Variants in CSRNP3 observed in about 807,000 individuals in gnomAD.
CSRNP3 encodes cysteine/serine-rich nuclear protein 3.
In CSRNP3, 12 loss-of-function variants were observed where a neutral mutation model predicts 48.0. The observed-to-expected ratio is 0.25, with a 90% confidence interval of 0.16 to 0.41. The LOEUF (loss-of-function observed/expected upper bound fraction) is 0.41. Ranked by LOEUF, CSRNP3 falls within the 10% of genes least tolerant of loss-of-function variation. The pLI is 1.00. For synonymous variants in CSRNP3, 263 were observed against 269.7 expected (o/e 0.98, Z 0.24); for missense variants, 580 against 724.4 (o/e 0.80, Z 2.29).
chr2:165,503,239 G>T (rs895217148), intron 2 of CSRNP3, among the ~76,000 whole-genome samples: 2 of 151,732 alleles, frequency 1.3e-5, no homozygotes, highest in African/African-American at 4.8e-5. Context: ...TAAATCTTTA[G>T]TCCATTTGAA....
intron 3 of CSRNP3, among the ~76,000 whole-genome samples, chr2:165,519,331 C>T (rs755568700): frequency 6.6e-6 from 1 of 151,782 alleles, no homozygotes; most frequent in African/African-American, 2.4e-5. Flanking sequence ...AGAATTAAAT[C>T]GTCTCCCCAA....
At chr2:165,585,269 T>A (rs1327207574) in intron 3 of CSRNP3, among the ~76,000 whole-genome samples, 1 of 151,814 alleles carries the variant, frequency 6.6e-6, no homozygotes, top group Non-Finnish European at 1.5e-5. Context: ...AAAACCTATA[T>A]ACCATCAATT....
intron 5 of CSRNP3, among the ~76,000 whole-genome samples, chr2:165,676,049 CCAA>C (rs146683115): frequency 6.6e-6 from 1 of 152,274 alleles, no homozygotes; most frequent in Non-Finnish European, 1.5e-5. Context: ...TCTAAAAGCT[CCAA>C]CAACTGTAGC....
intron 3 of CSRNP3, among the ~76,000 whole-genome samples, chr2:165,522,549 C>T (rs1190369437): frequency 6.6e-6 from 1 of 151,672 alleles, no homozygotes; most frequent in Non-Finnish European, 1.5e-5. Context: ...GAGTTTATTA[C>T]ATATGTAACC....
rs1157049009 is a variant in CSRNP3 at position 165,687,715 on chromosome 2, T to G, written c.*7962T>G. 1.3e-5 allele frequency: 2 copies of G among 152,062 alleles called. No individual in the cohort carries two copies. The highest frequency in any genetic ancestry group is 3.9e-4 in the East Asian group (2 of 5,184). The allele number at this position is 152,062 out of a possible 1,614,324, so 9.4% of individuals were successfully genotyped here. On this transcript the variant is annotated 3_prime_UTR_variant, in exon 7 of 7. Transcript: ENST00000651982. ...TTTCTCAGGGGTCAGGAAAATGATT[T>G]AAAAATTTGTCTTCTTGACAAGGCC...
chr2:165,515,090 C>T (rs186629452), intron 2 of CSRNP3, among the ~76,000 whole-genome samples: 8 of 151,904 alleles, frequency 5.3e-5, no homozygotes, highest in South Asian at 4.1e-4. Context: ...GAGGCTGAGA[C>T]GGGCGGATCA....
chr2:165,651,652 G>T, intron 4 of CSRNP3, among the ~76,000 whole-genome samples: 1 of 143,618 alleles, frequency 7.0e-6, no homozygotes, highest in Non-Finnish European at 1.5e-5. Flanking sequence ...CATTCATTTT[G>T]AAAGCTTTTT....
intron 2 of CSRNP3, among the ~76,000 whole-genome samples, chr2:165,502,869 G>A (rs965896459): frequency 6.6e-6 from 1 of 151,712 alleles, no homozygotes; most frequent in Non-Finnish European, 1.5e-5. Flanking sequence ...ATGTACCAAT[G>A]TTTGCACTTG....
At chr2:165,646,883 G>T (rs1258211600) in intron 4 of CSRNP3, among the ~76,000 whole-genome samples, 1 of 151,916 alleles carries the variant, frequency 6.6e-6, no homozygotes, top group East Asian at 1.9e-4. Context: ...TTCATATTGA[G>T]ATTTTAATAA....
At chr2:165,552,709 A>AT (rs1052214965) in intron 3 of CSRNP3, among the ~76,000 whole-genome samples, 21 of 149,262 alleles carry the variant, frequency 1.4e-4, no homozygotes, top group Admixed American at 2.7e-4. Context: ...TTATTTTTTT[A>AT]TTTTTTTTTG....
intron 1 of CSRNP3, among the ~76,000 whole-genome samples, chr2:165,486,378 G>A (rs1287772931): frequency 1.3e-5 from 2 of 150,932 alleles, no homozygotes; most frequent in Non-Finnish European, 3.0e-5. Context: ...AGGGGCGCCC[G>A]CCATTGCCCA....
At chr2:165,664,349 C>T (rs1687144464) in intron 5 of CSRNP3, among the ~76,000 whole-genome samples, 2 of 152,176 alleles carry the variant, frequency 1.3e-5, no homozygotes. Context: ...TTCTGGTGAT[C>T]CAGAGCACAC....
intron 3 of CSRNP3, among the ~76,000 whole-genome samples, chr2:165,533,882 A>C (rs1684848335): frequency 6.6e-6 from 1 of 151,988 alleles, no homozygotes; most frequent in Non-Finnish European, 1.5e-5. Flanking sequence ...AAGTGTAAGA[A>C]AACTTTTTAT....
chr2:165,536,519 C>T (rs1684884129), intron 3 of CSRNP3, among the ~76,000 whole-genome samples: 1 of 151,866 alleles, frequency 6.6e-6, no homozygotes, highest in Non-Finnish European at 1.5e-5. Context: ...TTGGTTTTGT[C>T]AGGTGACAAG....
intron 3 of CSRNP3, among the ~76,000 whole-genome samples, chr2:165,578,091 C>A (rs941291299): frequency 1.3e-5 from 2 of 151,964 alleles, no homozygotes; most frequent in Non-Finnish European, 2.9e-5. Flanking sequence ...AATGAGGAGT[C>A]TCTAACAGGT....
intron 3 of CSRNP3, among the ~76,000 whole-genome samples, chr2:165,571,627 G>C (rs1574842418): frequency 6.6e-6 from 1 of 151,876 alleles, no homozygotes; most frequent in African/African-American, 2.4e-5. Flanking sequence ...ATTGAGGTAA[G>C]CTGTCTAAAA....
intron 3 of CSRNP3, among the ~76,000 whole-genome samples, chr2:165,534,729 T>G (rs1191138410): frequency 6.6e-6 from 1 of 151,732 alleles, no homozygotes. Context: ...AAATATTAAG[T>G]GAAAAAAGAA....
At chr2:165,511,441 A>C (rs1030057301) in intron 2 of CSRNP3, among the ~76,000 whole-genome samples, 2 of 152,170 alleles carry the variant, frequency 1.3e-5, no homozygotes, top group Non-Finnish European at 2.9e-5. Flanking sequence ...GTATAATTGA[A>C]GTCGTGAAAA....
At chr2:165,552,701 A>AT (rs1254465850) in intron 3 of CSRNP3, among the ~76,000 whole-genome samples, 3 of 151,094 alleles carry the variant, frequency 2.0e-5, no homozygotes, top group Non-Finnish European at 4.4e-5. Flanking sequence ...TCTATTTTTT[A>AT]TTTTTTTATT....
Sources: allele counts gnomAD v4.1 joint callset (sites outside exome capture counted in the v4.1 genomes callset), GRCh38; gene constraint gnomAD v4.1.1; transcripts MANE v1.5; gene names NCBI Gene and HGNC (gene_info 2026-07-23, HGNC 2026-07-21).